HS6ST3: variants seen among roughly 807,000 people sequenced by gnomAD.
The protein encoded by HS6ST3 is heparan sulfate 6-O-sulfotransferase 3.
A neutral mutation model predicts 36.7 loss-of-function variants in HS6ST3; 12 were observed. That is an observed-to-expected ratio of 0.33 (90% CI 0.21 to 0.53). The LOEUF is 0.53. Among genes scored for constraint, HS6ST3 ranks in the 20% least tolerant of loss-of-function variants. The pLI is 0.95. For synonymous variants in HS6ST3, 240 were observed against 257.5 expected (o/e 0.93, Z 0.65); for missense variants, 584 against 640.9 (o/e 0.91, Z 0.96).
intron 1 of HS6ST3, among the ~76,000 whole-genome samples, chr13:96,621,717 G>A (rs2056495857): frequency 6.6e-6 from 1 of 152,042 alleles, no homozygotes; most frequent in Non-Finnish European, 1.5e-5. Context: ...TTAGGCAAAT[G>A]CTGAAAAAAA....
chr13:96,834,519 C>T lies in HS6ST3; in HGVS notation c.*1321C>T, dbSNP rs906236892. The T allele has an allele frequency of 6.6e-6, 1 of 152,240 alleles. No individual in the cohort carries two copies. Among genetic ancestry groups the T allele is most frequent in the African/African-American group, 2.4e-5 (1 of 41,436 alleles). 9.4% of individuals were successfully genotyped at this position (152,240 alleles called of 1,614,324 possible). A position where few individuals can be genotyped will look rare whatever the true frequency, so the allele number is the denominator to read the frequency against. ...TTTCACCTTTTCATAATCCCAACTA[C>T]AATAACAAGAATTTTATTGACTAAT... On this transcript the variant is annotated 3_prime_UTR_variant, in exon 2 of 2. Transcript: ENST00000376705.
intron 1 of HS6ST3, among the ~76,000 whole-genome samples, chr13:96,280,288 G>T (rs2139393337): frequency 6.6e-6 from 1 of 152,066 alleles, no homozygotes; most frequent in Non-Finnish European, 1.5e-5. Flanking sequence ...TCTAGTCTTT[G>T]ATGATATATT....
rs149699079 is a variant in HS6ST3, at chr13:96,617,122, A to G, written c.708-215368A>G. On this transcript the variant is annotated intron_variant, in intron 1 of 1. Transcript: ENST00000376705. ...ATTTGTCTACAGTCATTTCACTGGC[A>G]TCACTGAATAGCCTTTCTCTAATAA... is the stretch of plus-strand genomic sequence containing the variant. Among the ~76,000 whole-genome samples the G allele has an allele frequency of 7.3e-3, 1,109 of 152,332 alleles. 8 individuals are homozygous for G. Among genetic ancestry groups the G allele is most frequent in the Non-Finnish European group, 0.012 (833 of 68,012 alleles).
At chr13:96,540,176 A>G (rs1006166949) in intron 1 of HS6ST3, among the ~76,000 whole-genome samples, 28 of 152,260 alleles carry the variant, frequency 1.8e-4, no homozygotes, top group African/African-American at 4.6e-4. Context: ...CATGGTGAGC[A>G]CTGCTCTACA....
intron 1 of HS6ST3, among the ~76,000 whole-genome samples, chr13:96,815,871 C>T (rs1192388357): frequency 6.6e-6 from 1 of 152,116 alleles, no homozygotes; most frequent in Admixed American, 6.5e-5. Context: ...TGTTCAAAGC[C>T]ACAATCCCCC....
chr13:96,597,374 G>A (rs942831169), intron 1 of HS6ST3, among the ~76,000 whole-genome samples: 1 of 151,538 alleles, frequency 6.6e-6, no homozygotes, highest in African/African-American at 2.4e-5. Context: ...GGTCATTCTG[G>A]CTGGGTGAGG....
At chr13:96,498,353 G>C (rs531946806) in intron 1 of HS6ST3, among the ~76,000 whole-genome samples, 31 of 152,284 alleles carry the variant, frequency 2.0e-4, no homozygotes, top group African/African-American at 7.5e-4. Context: ...GGGGAGGTCA[G>C]AAAGACCTTG....
chr13:96,791,923 T>C (rs922330049), intron 1 of HS6ST3, among the ~76,000 whole-genome samples: 1 of 152,046 alleles, frequency 6.6e-6, no homozygotes, highest in Non-Finnish European at 1.5e-5. Context: ...CTTTATGTAT[T>C]TTATATATAA....
intron 1 of HS6ST3, among the ~76,000 whole-genome samples, chr13:96,436,013 G>A (rs1466051783): frequency 6.6e-6 from 1 of 152,170 alleles, no homozygotes; most frequent in Non-Finnish European, 1.5e-5. Flanking sequence ...TTCTTGGAAA[G>A]AAGATCTTGC....
At chr13:96,186,075 C>G (rs1326362858) in intron 1 of HS6ST3, among the ~76,000 whole-genome samples, 1 of 151,986 alleles carries the variant, frequency 6.6e-6, no homozygotes, top group Non-Finnish European at 1.5e-5. Flanking sequence ...CATTTATATG[C>G]ATATATGTGT....
intron 1 of HS6ST3, among the ~76,000 whole-genome samples, chr13:96,676,491 A>G (rs780848982): frequency 6.6e-6 from 1 of 152,198 alleles, no homozygotes; most frequent in Non-Finnish European, 1.5e-5. Flanking sequence ...AAAGAAACAT[A>G]TATTTACTGA....
chr13:96,737,832 C>G (rs1480051835), intron 1 of HS6ST3, among the ~76,000 whole-genome samples: 2 of 152,048 alleles, frequency 1.3e-5, no homozygotes, highest in African/African-American at 2.4e-5. Context: ...GAGGCCTTCA[C>G]TTTTGGCTCT....
At chr13:96,232,483 A>T (rs1369403000) in intron 1 of HS6ST3, among the ~76,000 whole-genome samples, 3 of 152,148 alleles carry the variant, frequency 2.0e-5, no homozygotes, top group Non-Finnish European at 2.9e-5. Context: ...GTGTGAGAGA[A>T]TGTGCAGTCT....
chr13:96,644,870 G>A (rs138977407), intron 1 of HS6ST3, among the ~76,000 whole-genome samples: 56 of 152,040 alleles, frequency 3.7e-4, no homozygotes, highest in African/African-American at 1.3e-3. Context: ...GGATCTTTCT[G>A]CAGGAATAGC....
chr13:96,812,409 T>G (rs1192233197), intron 1 of HS6ST3, among the ~76,000 whole-genome samples: 1 of 152,152 alleles, frequency 6.6e-6, no homozygotes, highest in Non-Finnish European at 1.5e-5. Flanking sequence ...TTTGAGCCCT[T>G]GCTTTAATCC....
intron 1 of HS6ST3, among the ~76,000 whole-genome samples, chr13:96,594,460 A>C (rs1324742775): frequency 1.3e-5 from 2 of 151,910 alleles, no homozygotes; most frequent in Non-Finnish European, 2.9e-5. Context: ...CTTGCTTTTT[A>C]TTTTATGTGT....
intron 1 of HS6ST3, among the ~76,000 whole-genome samples, chr13:96,270,864 A>T (rs996184693): frequency 1.2e-4 from 18 of 151,694 alleles, no homozygotes; most frequent in Non-Finnish European, 2.4e-4. Context: ...TTCCCTCCTC[A>T]CAGAGTTCAT....
chr13:96,272,089 AG>A (rs1165421660), intron 1 of HS6ST3, among the ~76,000 whole-genome samples: 2 of 152,048 alleles, frequency 1.3e-5, no homozygotes, highest in Admixed American at 6.6e-5. Flanking sequence ...AAAGAGTAAT[AG>A]CCTTTAAAGC....
intron 1 of HS6ST3, among the ~76,000 whole-genome samples, chr13:96,646,046 A>G (rs1260446797): frequency 3.3e-5 from 5 of 152,006 alleles, no homozygotes; most frequent in Non-Finnish European, 4.4e-5. Context: ...TTCCTAACAG[A>G]TAAAACTTAG....
Sources: allele counts gnomAD v4.1 joint callset (sites outside exome capture counted in the v4.1 genomes callset), GRCh38; gene constraint gnomAD v4.1.1; transcripts MANE v1.5; gene names NCBI Gene and HGNC (gene_info 2026-07-23, HGNC 2026-07-21).